The following KCNQ5 variants were observed in gnomAD, a reference collection of about 807,000 sequenced individuals.
The protein encoded by KCNQ5 is potassium voltage-gated channel subfamily Q member 5, also known as potassium voltage-gated channel subfamily KQT member 5.
In KCNQ5, 30 loss-of-function variants were observed where a neutral mutation model predicts 98.2. The observed-to-expected ratio is 0.31, with a 90% CI of 0.23 to 0.41. The LOEUF (loss-of-function observed/expected upper bound fraction) is 0.41, where lower values mean the gene tolerates loss of function less well. Among genes scored for constraint, KCNQ5 ranks in the 10% least tolerant of loss-of-function variants. KCNQ5 has a pLI of 1.00. For synonymous variants in KCNQ5, 458 were observed against 449.4 expected (o/e 1.02, Z -0.24); for missense variants, 835 against 1,182.5 (o/e 0.71, Z 4.31).
At chr6:72,711,009 A>T (rs1356524113) in intron 1 of KCNQ5, among the ~76,000 whole-genome samples, 1 of 152,132 alleles carries the variant, frequency 6.6e-6, no homozygotes, top group Non-Finnish European at 1.5e-5. Flanking sequence ...AGTAGTAGGA[A>T]GCTAGAAATC....
chr6:72,807,774 A>G (rs1775026272), intron 1 of KCNQ5, among the ~76,000 whole-genome samples: 1 of 152,158 alleles, frequency 6.6e-6, no homozygotes, highest in Non-Finnish European at 1.5e-5. Flanking sequence ...TAGGCCTCCT[A>G]AAGTGTGCGC....
At chr6:72,635,064 T>A (rs1452420958) in intron 1 of KCNQ5, among the ~76,000 whole-genome samples, 1 of 151,400 alleles carries the variant, frequency 6.6e-6, no homozygotes, top group Non-Finnish European at 1.5e-5. Flanking sequence ...AGAGTCTCTG[T>A]CACCCAGGCT....
intron 1 of KCNQ5, among the ~76,000 whole-genome samples, chr6:72,715,935 C>G (rs1460611988): frequency 6.6e-6 from 1 of 151,944 alleles, no homozygotes; most frequent in Non-Finnish European, 1.5e-5. Context: ...TTATGTTATA[C>G]TTTTTACTGT....
intron 1 of KCNQ5, among the ~76,000 whole-genome samples, chr6:72,729,215 G>A (rs764218313): frequency 2.6e-4 from 40 of 152,118 alleles, no homozygotes; most frequent in Non-Finnish European, 4.9e-4. Context: ...GACTAATCTT[G>A]TACGTGTGTC....
At chr6:73,051,966 C>T (rs1306934151) in intron 3 of KCNQ5, among the ~76,000 whole-genome samples, 2 of 152,082 alleles carry the variant, frequency 1.3e-5, no homozygotes, top group African/African-American at 2.4e-5. Flanking sequence ...ACAGTGAAAA[C>T]CTAATCCAGG....
chr6:72,985,153 C>T (rs1392989819), intron 1 of KCNQ5, among the ~76,000 whole-genome samples: 1 of 152,160 alleles, frequency 6.6e-6, no homozygotes, highest in Non-Finnish European at 1.5e-5. Flanking sequence ...CTGCAGTGAG[C>T]TATGATCTGG....
intron 1 of KCNQ5, among the ~76,000 whole-genome samples, chr6:72,704,792 C>A (rs1230264617): frequency 6.6e-6 from 1 of 152,142 alleles, no homozygotes; most frequent in East Asian, 1.9e-4. Flanking sequence ...CATGCTATGT[C>A]TTTCCCTACC....
intron 2 of KCNQ5, among the ~76,000 whole-genome samples, chr6:73,028,841 A>G (rs1293226427): frequency 6.6e-6 from 1 of 152,178 alleles, no homozygotes; most frequent in African/African-American, 2.4e-5. Flanking sequence ...TTAAAGTACT[A>G]CCATGGTCTC....
At chr6:72,835,386 A>C (rs1776460457) in intron 1 of KCNQ5, among the ~76,000 whole-genome samples, 1 of 152,130 alleles carries the variant, frequency 6.6e-6, no homozygotes, top group Non-Finnish European at 1.5e-5. Flanking sequence ...TGCATCAATT[A>C]TATTGGTCGA....
At chr6:72,998,789 A>G (rs990055952) in intron 1 of KCNQ5, among the ~76,000 whole-genome samples, 2 of 152,022 alleles carry the variant, frequency 1.3e-5, no homozygotes, top group Admixed American at 6.6e-5. Context: ...CTTAATGAGT[A>G]TAACTAACTT....
chr6:73,062,708 G>A (rs1262095264), intron 3 of KCNQ5, among the ~76,000 whole-genome samples: 2 of 152,084 alleles, frequency 1.3e-5, no homozygotes, highest in Non-Finnish European at 2.9e-5. Context: ...ATTTTATTTG[G>A]TCATGGGAAC....
At chr6:72,862,960 A>G (rs1023345710) in intron 1 of KCNQ5, among the ~76,000 whole-genome samples, 1 of 152,168 alleles carries the variant, frequency 6.6e-6, no homozygotes, top group Non-Finnish European at 1.5e-5. Context: ...AAAATTTATA[A>G]TTGTTTGTTT....
chr6:73,021,135 T>C (rs1188560432), intron 2 of KCNQ5, among the ~76,000 whole-genome samples: 2 of 152,334 alleles, frequency 1.3e-5, no homozygotes, highest in Non-Finnish European at 2.9e-5. Context: ...CCAGGAGTTG[T>C]TACATTCCCT....
intron 2 of KCNQ5, among the ~76,000 whole-genome samples, chr6:73,028,960 C>T (rs1364472830): frequency 6.6e-6 from 1 of 152,162 alleles, no homozygotes; most frequent in Non-Finnish European, 1.5e-5. Context: ...CCCTCCTATA[C>T]TAAGTGATTT....
intron 1 of KCNQ5, among the ~76,000 whole-genome samples, chr6:72,945,503 G>A (rs1766500809): frequency 6.9e-6 from 1 of 144,742 alleles, no homozygotes; most frequent in South Asian, 2.2e-4. Context: ...CACCCATGCT[G>A]GAGTGCAGTG....
intron 1 of KCNQ5, among the ~76,000 whole-genome samples, chr6:72,943,465 C>T (rs1193214812): frequency 6.6e-6 from 1 of 152,146 alleles, no homozygotes; most frequent in Non-Finnish European, 1.5e-5. Flanking sequence ...TTAATAATAG[C>T]ATATTTTTAT....
intron 1 of KCNQ5, among the ~76,000 whole-genome samples, chr6:72,769,208 A>G (rs777667144): frequency 6.6e-6 from 1 of 152,164 alleles, no homozygotes; most frequent in African/African-American, 2.4e-5. Context: ...GAACAAATGC[A>G]TATATATTGT....
At position 73,044,818 on chromosome 6, in the gene KCNQ5, T is replaced by C. The variant is rs188632398; in HGVS notation, c.616+2756T>C. Among the ~76,000 whole-genome samples the C allele has an allele frequency of 1.8e-3, 269 of 152,332 alleles. 5 individuals are homozygous for C. The highest frequency in any genetic ancestry group is 3.1e-3 in the South Asian group (15 of 4,826). ...TGTTCTGAATGGGTGTTTGGAAATA[T>C]AGCTAAAACCTCCCAAAACTTCATG... On this transcript the variant is annotated intron_variant, in intron 3 of 13. Transcript: ENST00000370398.
At chr6:73,063,091 T>A (rs147788971) in intron 3 of KCNQ5, among the ~76,000 whole-genome samples, 3,120 of 152,308 alleles carry the variant, frequency 0.02, 36 homozygotes, top group Non-Finnish European at 0.031. Flanking sequence ...TGGGAAAATA[T>A]CCAGCTCCTG....
Sources: gnomAD v4.1 joint callset for allele counts (sites outside exome capture counted in the v4.1 genomes callset) on GRCh38, gnomAD v4.1.1 for gene constraint, MANE v1.5 for transcripts, NCBI Gene and HGNC (gene_info 2026-07-23, HGNC 2026-07-21) for gene names.